CKAP5: variants seen among roughly 807,000 people sequenced by gnomAD.
CKAP5 encodes the protein cytoskeleton associated protein 5.
In CKAP5, 27 loss-of-function variants were observed where a neutral mutation model predicts 232.8. The observed-to-expected ratio is 0.12, with a 90% confidence interval of 0.09 to 0.16. CKAP5 has a LOEUF of 0.16. CKAP5 is among the 10% of genes least tolerant of loss of function. The pLI is 1.00. For missense variants in CKAP5, 1,838 were observed against 2,424.7 expected (o/e 0.76, Z 5.08); for synonymous variants, 785 against 841.1 (o/e 0.93, Z 1.16).
At chr11:46,748,400 G>A (rs957003117) in intron 42 of CKAP5, among the ~76,000 whole-genome samples, 3 of 152,142 alleles carry the variant, frequency 2.0e-5, no homozygotes, top group Admixed American at 6.5e-5. Flanking sequence ...ATTTCCTGAC[G>A]GAAAGGAAGA....
intron 1 of CKAP5, among the ~76,000 whole-genome samples, chr11:46,828,089 A>G (rs562948357): frequency 6.6e-6 from 1 of 152,338 alleles, no homozygotes; most frequent in East Asian, 1.9e-4. Context: ...ACCATTTGTA[A>G]GTAACCCAAT....
intron 37 of CKAP5, chr11:46,753,006 C>T (rs1285493334): frequency 2.3e-6 from 1 of 429,206 alleles, no homozygotes; most frequent in African/African-American, 2.0e-5. Flanking sequence ...ACAAACTTTA[C>T]AGTCCTATTA....
chr11:46,767,271 C>A (rs986947366), intron 27 of CKAP5, among the ~76,000 whole-genome samples: 2 of 152,118 alleles, frequency 1.3e-5, no homozygotes, highest in African/African-American at 4.8e-5. Context: ...CCGCCTGCCT[C>A]GGCCTCCCAA....
Position 46,809,393 on chromosome 11 carries a change from T to C in CKAP5, c.864+7A>G, listed in dbSNP as rs1008233986. 9.3e-6 allele frequency: 14 copies of C among 1,508,032 alleles called. No individual in the cohort carries two copies. In the African/African-American group the frequency reaches 1.9e-4, roughly 21 times the overall value. 93.4% of individuals were successfully genotyped at this position (1,508,032 alleles called of 1,614,324 possible). ...AAATAAATGAAAGAAGTTTAACTATTACTTACAATTTTGTCATAAAAGTCT... is the reference window on the plus strand; with the variant it reads ...AAATAAATGAAAGAAGTTTAACTATCACTTACAATTTTGTCATAAAAGTCT... On this transcript the variant is annotated splice_region_variant and intron_variant, in intron 7 of 43. Coordinates refer to ENST00000529230, the MANE Select transcript of CKAP5 (RefSeq NM_001008938.4).
At chr11:46,762,867 G>C (rs2065167506) in intron 30 of CKAP5, 105 bp from the exon 31 acceptor site, 1 of 1,446,260 alleles carries the variant, frequency 6.9e-7, no homozygotes, top group Non-Finnish European at 9.6e-7. Context: ...GGGATAAGTA[G>C]GGAAGGTACC....
At chr11:46,794,557 G>A (rs1289877933) in intron 13 of CKAP5, among the ~76,000 whole-genome samples, 1 of 152,176 alleles carries the variant, frequency 6.6e-6, no homozygotes, top group Non-Finnish European at 1.5e-5. Flanking sequence ...GATGCTCAAG[G>A]CCAGGCTTGG....
intron 2 of CKAP5, 49 bp from the exon 3 acceptor site, chr11:46,818,552 T>A (rs764453846): frequency 3.0e-6 from 4 of 1,312,946 alleles, no homozygotes; most frequent in Non-Finnish European, 4.1e-6. Flanking sequence ...AATGATATTA[T>A]CATCTACTAT....
chr11:46,779,449 T>C (rs2065320110), intron 20 of CKAP5, among the ~76,000 whole-genome samples: 1 of 151,942 alleles, frequency 6.6e-6, no homozygotes, highest in South Asian at 2.1e-4. Context: ...ATCAATTTCT[T>C]ATGAACTCTT....
At chr11:46,771,301 A>C (rs2065246134) in intron 24 of CKAP5, among the ~76,000 whole-genome samples, 2 of 152,256 alleles carry the variant, frequency 1.3e-5, no homozygotes, top group South Asian at 4.1e-4. Flanking sequence ...TTTAGCTAGA[A>C]GACCCAAAGC....
At chr11:46,775,402 G>A (rs1175780530) in intron 24 of CKAP5, among the ~76,000 whole-genome samples, 1 of 152,166 alleles carries the variant, frequency 6.6e-6, no homozygotes, top group Non-Finnish European at 1.5e-5. Flanking sequence ...AATCATTGTG[G>A]AAGACAGTGT....
Position 46,751,229 on chromosome 11 carries a change from G to T in CKAP5, c.5349C>A (p.Asp1783Glu). ...PKILDHLTMI[D>E]NKNESELEAH... The stretch of plus-strand genomic sequence containing the variant: ...CCTCCAGCTCAGACTCGTTTTTGTT[G>T]TCGATCATCGTTAGGTGGTCCAGGA... The change falls in exon 40 of 44, where the codon GAC becomes GAA. Residue 1783 changes from aspartate (D) to glutamate (E), a missense_variant. Around this residue, in one of 6 missense-constraint regions of CKAP5, gnomAD observed 579 missense variants for 843.2 expected, o/e 0.69. Transcript: ENST00000529230. 1 of 1,614,116 alleles carries T rather than the reference G, an allele frequency of 6.2e-7. No homozygotes were observed. The highest frequency in any genetic ancestry group is 8.5e-7 in the Non-Finnish European group (1 of 1,180,032).
intron 1 of CKAP5, among the ~76,000 whole-genome samples, chr11:46,823,063 C>T (rs113816114): frequency 6.6e-6 from 1 of 151,768 alleles, no homozygotes; most frequent in Non-Finnish European, 1.5e-5. Flanking sequence ...TGGGCTCAAG[C>T]GATCCTTCCA....
Position 46,787,338 on chromosome 11 carries a change from C to CA in CKAP5, c.1968+1342dup, listed in dbSNP as rs1262902627. On this transcript the variant is annotated intron_variant, in intron 16 of 43. Transcript: ENST00000529230. ...CAAGAGGTGGCAGCAGAAGAGAAAC[C>CA]AAAAAGAGACTAGCAGGATGCCAAT... Among the ~76,000 whole-genome samples the CA allele has an allele frequency of 3.3e-4, 50 of 152,164 alleles. 2 individuals carry two copies. The highest frequency in any genetic ancestry group is 1.8e-3 in the Admixed American group (28 of 15,296).
chr11:46,774,081 ATC>A (rs543844553), intron 24 of CKAP5, among the ~76,000 whole-genome samples: 124 of 152,290 alleles, frequency 8.1e-4, no homozygotes, highest in African/African-American at 3.0e-3. Flanking sequence ...AAGTCAAATT[ATC>A]TCTGTTTACA....
intron 33 of CKAP5, chr11:46,760,285 G>A (rs1453656868): frequency 4.7e-6 from 2 of 428,118 alleles, no homozygotes; most frequent in African/African-American, 4.0e-5. Flanking sequence ...CAGAGGGGAT[G>A]AATCCAAGTC....
At chr11:46,824,545 T>G (rs1351214708) in intron 1 of CKAP5, among the ~76,000 whole-genome samples, 1 of 152,176 alleles carries the variant, frequency 6.6e-6, no homozygotes, top group Non-Finnish European at 1.5e-5. Flanking sequence ...AAACTGTGCT[T>G]TTCAAACTCA....
At chr11:46,773,328 C>T (rs562117968) in intron 24 of CKAP5, among the ~76,000 whole-genome samples, 19 of 151,888 alleles carry the variant, frequency 1.3e-4, no homozygotes, top group African/African-American at 4.6e-4. Flanking sequence ...TGGCTCACTG[C>T]AACCTCCGCC....
intron 8 of CKAP5, among the ~76,000 whole-genome samples, chr11:46,804,422 A>T (rs766164713): frequency 2.6e-5 from 4 of 152,220 alleles, no homozygotes; most frequent in Non-Finnish European, 4.4e-5. Flanking sequence ...AAGAAAAACA[A>T]TGACTTCTGT....
At chr11:46,838,591 G>A (rs1319434501) in intron 1 of CKAP5, among the ~76,000 whole-genome samples, 1 of 131,592 alleles carries the variant, frequency 7.6e-6, no homozygotes, top group East Asian at 2.2e-4. Flanking sequence ...GACCATCCTG[G>A]GCAACATAGT....
Sources: allele counts gnomAD v4.1 joint callset (sites outside exome capture counted in the v4.1 genomes callset), GRCh38; gene constraint gnomAD v4.1.1; regional missense constraint gnomAD v4.1.1; transcripts MANE v1.5; gene names NCBI Gene and HGNC (gene_info 2026-07-23, HGNC 2026-07-21).